The following PTPRZ1 variants were observed in gnomAD, a reference collection of about 807,000 sequenced individuals.
PTPRZ1 encodes receptor-type tyrosine-protein phosphatase zeta.
Under a neutral mutation model 214.1 loss-of-function variants are expected in PTPRZ1, and 82 were observed. The observed-to-expected ratio is 0.38, with a 90% CI of 0.32 to 0.46. The LOEUF (loss-of-function observed/expected upper bound fraction) is 0.46. Among genes scored for constraint, PTPRZ1 ranks in the 20% least tolerant of loss-of-function variants. PTPRZ1 has a pLI of 1.00. For missense variants in PTPRZ1, 2,603 were observed against 2,748.7 expected (o/e 0.95, Z 1.19); for synonymous variants, 945 against 987.9 (o/e 0.96, Z 0.81).
chr7:121,937,334 T>A (rs563341950), intron 2 of PTPRZ1, among the ~76,000 whole-genome samples: 1 of 151,960 alleles, frequency 6.6e-6, no homozygotes, highest in African/African-American at 2.4e-5. Flanking sequence ...AGGAGACAGT[T>A]GGGGGACTGA....
intron 6 of PTPRZ1, among the ~76,000 whole-genome samples, chr7:121,979,215 C>T (rs2116553113): frequency 6.6e-6 from 1 of 152,184 alleles, no homozygotes; most frequent in Non-Finnish European, 1.5e-5. Context: ...TCTTTCTTTC[C>T]CTCCCATCCA....
chr7:121,960,585 T>C (rs1796844966), intron 2 of PTPRZ1, among the ~76,000 whole-genome samples: 1 of 152,140 alleles, frequency 6.6e-6, no homozygotes, highest in Non-Finnish European at 1.5e-5. Context: ...CAAACAATTA[T>C]AATTATTTTT....
At chr7:122,015,238 A>G (rs1417999138) in intron 12 of PTPRZ1, among the ~76,000 whole-genome samples, 1 of 152,200 alleles carries the variant, frequency 6.6e-6, no homozygotes, top group African/African-American at 2.4e-5. Context: ...TAATGAAACT[A>G]TTTAAATCTT....
Position 122,010,658 on chromosome 7 carries a change from T to A in PTPRZ1, c.1612T>A (p.Leu538Ile). 4.3e-6 allele frequency: 7 copies of A among 1,613,736 alleles called. No homozygotes were observed. In the South Asian group the frequency reaches 6.6e-5, roughly 15 times the overall value. Residue 538 changes from leucine (L) to isoleucine (I), a missense_variant, in exon 12 of 30, where the codon TTA (leucine) becomes ATA (isoleucine). Leu to Ile is a conservative substitution (Grantham distance 5). Coordinates refer to ENST00000393386, the MANE Select transcript of PTPRZ1 (RefSeq NM_002851.3). ...CACTGTGGAAGGTACTTCAGCCTCT[T>A]TAAATGATGGCTCTAAAACTGTTCT... ...PHTVEGTSAS[L>I]NDGSKTVLRS...
chr7:121,887,133 A>C (rs1794420909), intron 1 of PTPRZ1, among the ~76,000 whole-genome samples: 1 of 151,996 alleles, frequency 6.6e-6, no homozygotes, highest in African/African-American at 2.4e-5. Flanking sequence ...CAGCACTCAC[A>C]TTGCGTGTCT....
At chr7:121,959,677 T>C (rs527320906) in intron 2 of PTPRZ1, among the ~76,000 whole-genome samples, 1 of 152,332 alleles carries the variant, frequency 6.6e-6, no homozygotes, top group South Asian at 2.1e-4. Context: ...CTAAAAAGTG[T>C]CTTCTTAAGT....
chr7:122,034,098 C>A lies in PTPRZ1; in HGVS notation c.5170C>A (p.Leu1724Met). Residue 1724 changes from leucine to methionine, a missense_variant, in exon 16 of 30, where the codon CTG becomes ATG. This residue lies in a region of PTPRZ1 where 1,913 missense variants were observed against 1,914.3 expected (regional missense o/e 1.00). Transcript: ENST00000393386. ...TTGGCATTCATTCCCTCATTAGACA[C>A]TGAAAGAGTTTTACCAGGTAAGGCA... ...SSGFTEEFET[L>M]KEFYQEVQSC... The A allele has an allele frequency of 6.3e-7, 1 of 1,595,566 alleles. No homozygotes were observed. Among genetic ancestry groups the A allele is most frequent in the Non-Finnish European group, 8.6e-7 (1 of 1,163,602 alleles).
chr7:121,927,012 A>G (rs1206572886), intron 1 of PTPRZ1, among the ~76,000 whole-genome samples: 1 of 152,222 alleles, frequency 6.6e-6, no homozygotes, highest in Non-Finnish European at 1.5e-5. Context: ...TTTATAAAAT[A>G]GTAACTTATT....
At chr7:122,048,869 C>A (rs1382214533) in intron 23 of PTPRZ1, among the ~76,000 whole-genome samples, 1 of 152,036 alleles carries the variant, frequency 6.6e-6, no homozygotes, top group East Asian at 1.9e-4. Flanking sequence ...ACTAACCCAG[C>A]TATTTTATTG....
chr7:121,987,490 T>G (rs1199856109), intron 8 of PTPRZ1, among the ~76,000 whole-genome samples: 1 of 152,204 alleles, frequency 6.6e-6, no homozygotes, highest in African/African-American at 2.4e-5. Flanking sequence ...CCAGATTGCT[T>G]TCCACAATGG....
intron 2 of PTPRZ1, 137 bp downstream of exon 2, chr7:121,928,358 A>G (rs554453115): frequency 1.6e-5 from 9 of 550,496 alleles, no homozygotes; most frequent in Admixed American, 3.3e-5. Flanking sequence ...TAATTAATAG[A>G]TATATAAAAT....
intron 12 of PTPRZ1, among the ~76,000 whole-genome samples, chr7:122,014,590 C>A (rs1798790748): frequency 6.6e-6 from 1 of 152,106 alleles, no homozygotes; most frequent in Admixed American, 6.6e-5. Flanking sequence ...AGGCGCCCAC[C>A]ACCACGCCAG....
At chr7:121,980,880 C>A (rs919523340) in intron 6 of PTPRZ1, among the ~76,000 whole-genome samples, 2 of 152,170 alleles carry the variant, frequency 1.3e-5, no homozygotes, top group Non-Finnish European at 2.9e-5. Context: ...TGGTGTCTCA[C>A]GCCTGTGATC....
intron 2 of PTPRZ1, among the ~76,000 whole-genome samples, chr7:121,959,377 A>G (rs1796808910): frequency 6.6e-6 from 1 of 152,212 alleles, no homozygotes; most frequent in South Asian, 2.1e-4. Context: ...TTCAGTTTTA[A>G]TAGCAGCTAT....
intron 18 of PTPRZ1, 126 bp downstream of exon 18, chr7:122,036,808 TA>T: frequency 3.1e-6 from 2 of 637,674 alleles, no homozygotes; most frequent in Non-Finnish European, 5.2e-6. Flanking sequence ...ATAAAAATGG[TA>T]AAGTAACAGT....
intron 13 of PTPRZ1, among the ~76,000 whole-genome samples, chr7:122,020,096 T>A (rs1423091608): frequency 1.3e-5 from 2 of 152,212 alleles, no homozygotes; most frequent in East Asian, 1.9e-4. Context: ...TACATAATTT[T>A]TTTGTTTAGC....
chr7:121,980,143 C>G (rs1797560382), intron 6 of PTPRZ1, among the ~76,000 whole-genome samples: 1 of 152,150 alleles, frequency 6.6e-6, no homozygotes, highest in Non-Finnish European at 1.5e-5. Flanking sequence ...GGTCTCACCT[C>G]TGCTTTCCCT....
intron 13 of PTPRZ1, among the ~76,000 whole-genome samples, chr7:122,021,852 G>A (rs921549622): frequency 2.2e-4 from 34 of 152,234 alleles, no homozygotes; most frequent in African/African-American, 8.2e-4. Context: ...TTAGATATCT[G>A]ACCTACTAAC....
chr7:121,973,588 C>T (rs193191442), intron 4 of PTPRZ1, among the ~76,000 whole-genome samples: 1 of 152,122 alleles, frequency 6.6e-6, no homozygotes, highest in African/African-American at 2.4e-5. Context: ...GCTGCACCTG[C>T]CTTATAACAT....
Sources: allele counts gnomAD v4.1 joint callset (sites outside exome capture counted in the v4.1 genomes callset), GRCh38; gene constraint gnomAD v4.1.1; regional missense constraint gnomAD v4.1.1; transcripts MANE v1.5; gene names NCBI Gene and HGNC (gene_info 2026-07-23, HGNC 2026-07-21).